The following PTPRF variants were observed in gnomAD, a reference collection of about 807,000 sequenced individuals.
PTPRF encodes the protein protein tyrosine phosphatase receptor type F.
In PTPRF, 59 loss-of-function variants were observed where a neutral mutation model predicts 201.8. The observed-to-expected ratio is 0.29, with a 90% confidence interval of 0.24 to 0.36. The LOEUF is 0.36. PTPRF is among the 10% of genes least tolerant of loss of function. The probability of loss-of-function intolerance (pLI) is 1.00; values close to 1 mark genes in which losing one functional copy is unlikely to be tolerated. For synonymous variants in PTPRF, 1,088 were observed against 1,089.7 expected, an observed-to-expected ratio of 1.00 and a Z score of 0.03; for missense variants, 2,132 against 2,690.5, an observed-to-expected ratio of 0.79 and a Z score of 4.59.
rs1557811016 is a variant in PTPRF at position 43,597,741 on chromosome 1, T to TTC, written c.1814-7_1814-6insTC. On this transcript the variant is annotated splice_polypyrimidine_tract_variant and splice_region_variant and intron_variant, in intron 11 of 33. Transcript: ENST00000359947. ...CTGCTTGCTTCCCCCCCATTTGTCT[T>TTC]CCCCAGCCCCCTCCGCCCCTCCCCA... 35 of 1,517,864 alleles carry TTC rather than the reference T, an allele frequency of 2.3e-5. No homozygotes were observed. Among genetic ancestry groups the TTC allele is most frequent in the Admixed American group, 1.5e-4 (8 of 51,952 alleles). The allele number at this position is 1,517,864 out of a possible 1,614,324, so 94.0% of individuals were successfully genotyped here. A position where few individuals can be genotyped will look rare whatever the true frequency, so the allele number is the denominator to read the frequency against.
At chr1:43,581,936 C>G (rs917558502) in intron 7 of PTPRF, among the ~76,000 whole-genome samples, 2 of 152,218 alleles carry the variant, frequency 1.3e-5, no homozygotes, top group African/African-American at 4.8e-5. Context: ...TTAGCAGCAT[C>G]TCTAGCTCAC....
chr1:43,564,669 C>T (rs1011057898), intron 5 of PTPRF, among the ~76,000 whole-genome samples: 3 of 152,146 alleles, frequency 2.0e-5, no homozygotes, highest in Non-Finnish European at 4.4e-5. Context: ...AGGCCAGGCC[C>T]AACACTCAAG....
intron 2 of PTPRF, among the ~76,000 whole-genome samples, chr1:43,540,576 C>T (rs1188416155): frequency 6.6e-6 from 1 of 152,304 alleles, no homozygotes; most frequent in East Asian, 1.9e-4. Context: ...TCATTTGCCT[C>T]CAGAGTTAGT....
intron 2 of PTPRF, among the ~76,000 whole-genome samples, chr1:43,539,616 T>G (rs1168512280): frequency 2.6e-5 from 4 of 152,174 alleles, no homozygotes; most frequent in African/African-American, 9.6e-5. Context: ...ACTGGGGTTA[T>G]GTAGAGGGTG....
intron 7 of PTPRF, chr1:43,582,984 G>A (rs1648130617): frequency 2.4e-6 from 2 of 827,110 alleles, no homozygotes; most frequent in Non-Finnish European, 2.9e-6. Flanking sequence ...GATGAAGGTT[G>A]GCCTGTTTTT....
intron 6 of PTPRF, among the ~76,000 whole-genome samples, chr1:43,576,329 C>G (rs1040359194): frequency 1.3e-5 from 2 of 151,376 alleles, no homozygotes; most frequent in Non-Finnish European, 3.0e-5. Context: ...TTGACAGTCT[C>G]TTTTGGGGGG....
At chr1:43,599,645 G>A (rs1361208630) in intron 13 of PTPRF, among the ~76,000 whole-genome samples, 1 of 152,230 alleles carries the variant, frequency 6.6e-6, no homozygotes, top group Non-Finnish European at 1.5e-5. Flanking sequence ...CTGTCTTCCT[G>A]GGAGGATGGT....
At chr1:43,534,422 G>A (rs1371239587) in intron 1 of PTPRF, among the ~76,000 whole-genome samples, 1 of 152,198 alleles carries the variant, frequency 6.6e-6, no homozygotes, top group East Asian at 1.9e-4. Context: ...GAGAGAAGAT[G>A]CTGGCTTTGA....
In PTPRF at chr1:43,573,958, G is replaced by C. The variant is rs181448532; in HGVS notation, c.568+4180G>C. Among the ~76,000 whole-genome samples, 33 of 141,002 alleles carry C rather than the reference G, an allele frequency of 2.3e-4. 1 individual carries two copies. In the East Asian group the frequency reaches 7.5e-3, roughly 32 times the overall value. 92.5% of individuals were successfully genotyped at this position (141,002 alleles called of 152,430 possible). A position where few individuals can be genotyped will look rare whatever the true frequency, so the allele number is the denominator to read the frequency against. On this transcript the variant is annotated intron_variant, in intron 6 of 33. Coordinates refer to ENST00000359947, the MANE Select transcript of PTPRF (RefSeq NM_002840.5). ...TGTAAATATCAGAGAACCTCAAAGA[G>C]GGTTTGCTTGTGTGGGTTCTTTTTT...
At chr1:43,609,648 T>A (rs1655973383) in intron 22 of PTPRF, 150 bp downstream of exon 22, 1 of 628,732 alleles carries the variant, frequency 1.6e-6, no homozygotes, top group African/African-American at 1.8e-5. Flanking sequence ...CTCCCTGTGC[T>A]CATCCACTTT....
intron 6 of PTPRF, among the ~76,000 whole-genome samples, chr1:43,572,879 A>G (rs965351090): frequency 6.6e-6 from 1 of 152,080 alleles, no homozygotes; most frequent in Non-Finnish European, 1.5e-5. Flanking sequence ...TAGTATCACA[A>G]TAGCAAACCT....
chr1:43,556,078 A>C (rs1331213024), intron 5 of PTPRF, among the ~76,000 whole-genome samples: 1 of 152,238 alleles, frequency 6.6e-6, no homozygotes, highest in African/African-American at 2.4e-5. Flanking sequence ...ATCTTCAAAA[A>C]AATATTTTTT....
At chr1:43,617,709 C>A in intron 24 of PTPRF, 27 bp from the exon 25 acceptor site, 1 of 1,605,552 alleles carries the variant, frequency 6.2e-7, no homozygotes, top group Non-Finnish European at 8.5e-7. Flanking sequence ...TGTAGTAATG[C>A]CCTCCCACCT....
chr1:43,605,417 C>G lies in PTPRF; in HGVS notation c.3363C>G (p.Pro1121=). The G allele has an allele frequency of 6.2e-7, 1 of 1,611,904 alleles. No homozygotes were observed. Among genetic ancestry groups the G allele is most frequent in the African/African-American group, 1.3e-5 (1 of 75,030 alleles). The change falls in exon 18 of 34, where the codon CCC becomes CCG. Residue 1121 remains proline (P), a synonymous_variant. Coordinates refer to ENST00000359947, the MANE Select transcript of PTPRF (RefSeq NM_002840.5). ...ACGGCCGCTTCGATCTCTCCATGCC[C>G]CATGTGCAAGACCCCTCGCTTGTCA... ...IEDGRFDLSM[P]HVQDPSLVRW... is the part of the protein sequence containing the mutation.
chr1:43,613,032 T>C (rs1656854550), intron 22 of PTPRF: 1 of 366,780 alleles, frequency 2.7e-6, no homozygotes, highest in Non-Finnish European at 5.3e-6. Flanking sequence ...GTCTCTGTTC[T>C]GCCTCTCTGG....
At chr1:43,596,985 C>A (rs1652427780) in intron 11 of PTPRF, among the ~76,000 whole-genome samples, 1 of 151,850 alleles carries the variant, frequency 6.6e-6, no homozygotes, top group Admixed American at 6.6e-5. Flanking sequence ...GACACTGATA[C>A]TCCAAGACAT....
chr1:43,558,463 C>G (rs372419917), intron 5 of PTPRF, among the ~76,000 whole-genome samples: 8 of 152,236 alleles, frequency 5.3e-5, no homozygotes, highest in African/African-American at 1.9e-4. Context: ...CCAGTGTGGC[C>G]TCCCCTTGAC....
chr1:43,616,227 T>A (rs187291574), intron 23 of PTPRF, among the ~76,000 whole-genome samples: 2 of 150,536 alleles, frequency 1.3e-5, no homozygotes, highest in Admixed American at 1.3e-4. Context: ...AATGTGAAGA[T>A]AATAATGGAA....
At chr1:43,602,146 T>C (rs1399261564) in intron 14 of PTPRF, 49 bp downstream of exon 14, 2 of 1,577,458 alleles carry the variant, frequency 1.3e-6, no homozygotes, top group African/African-American at 2.7e-5. Context: ...CAAGCTGGGC[T>C]CGTGGGACGC....
Sources: gnomAD v4.1 joint callset for allele counts (sites outside exome capture counted in the v4.1 genomes callset) on GRCh38, gnomAD v4.1.1 for gene constraint, MANE v1.5 for transcripts, NCBI Gene and HGNC (gene_info 2026-07-23, HGNC 2026-07-21) for gene names.